The following SNTG1 variants were observed in gnomAD, a reference collection of about 807,000 sequenced individuals.
The protein encoded by SNTG1 is gamma-1-syntrophin.
SNTG1 carries 39 observed loss-of-function variants against 74.7 expected under a neutral mutation model. That is an observed-to-expected ratio of 0.52 (90% confidence interval 0.40 to 0.68). The LOEUF (loss-of-function observed/expected upper bound fraction) is 0.68. Ranked by LOEUF, SNTG1 falls within the 30% of genes least tolerant of loss-of-function variation. SNTG1 has a pLI of 0.00. For synonymous variants in SNTG1, 254 were observed against 217.1 expected, an observed-to-expected ratio of 1.17 and a Z score of -1.49; for missense variants, 685 against 609.5, an observed-to-expected ratio of 1.12 and a Z score of -1.30.
intron 1 of SNTG1, among the ~76,000 whole-genome samples, chr8:50,152,429 T>C (rs955413514): frequency 6.6e-6 from 1 of 152,348 alleles, no homozygotes; most frequent in Non-Finnish European, 1.5e-5. Context: ...TATTGTTATG[T>C]GTGAATTTGA....
At chr8:50,587,047 T>G (rs954598840) in intron 12 of SNTG1, among the ~76,000 whole-genome samples, 2 of 152,064 alleles carry the variant, frequency 1.3e-5, no homozygotes, top group African/African-American at 2.4e-5. Context: ...TGTATGCACA[T>G]TAAACATAAA....
intron 18 of SNTG1, among the ~76,000 whole-genome samples, chr8:50,755,866 C>T (rs578136444): frequency 1.3e-5 from 2 of 151,626 alleles, no homozygotes; most frequent in Non-Finnish European, 2.9e-5. Context: ...CAACGTGGTG[C>T]ATATTTTCAT....
intron 15 of SNTG1, among the ~76,000 whole-genome samples, chr8:50,690,584 C>G (rs1227382428): frequency 6.6e-6 from 1 of 152,116 alleles, no homozygotes; most frequent in Non-Finnish European, 1.5e-5. Context: ...ATCCTGAGTT[C>G]TAGTTTGATT....
rs543902666 is a variant in SNTG1 at position 50,281,086 on chromosome 8, C to G, written c.-28+108451C>G. 7.2e-4 allele frequency among the ~76,000 whole-genome samples: 109 copies of G among 151,416 alleles called. 2 individuals are homozygous for G. The South Asian group carries it at 0.013, about 18-fold the overall frequency. Reference sequence around the variant, plus strand: ...GAATTTTAATTTCCCCATTAGAAGACAGAACTGCAAGACTATTTCAAAATA... The same window carrying G: ...GAATTTTAATTTCCCCATTAGAAGAGAGAACTGCAAGACTATTTCAAAATA... On this transcript the variant is annotated intron_variant, in intron 2 of 18. Transcript: ENST00000642720.
At chr8:50,501,364 A>G (rs922920433) in intron 8 of SNTG1, among the ~76,000 whole-genome samples, 2 of 104,966 alleles carry the variant, frequency 1.9e-5, no homozygotes, top group Non-Finnish European at 3.8e-5. Context: ...TGTCTTTTGT[A>G]TTTTCTTCAG....
chr8:49,979,206 A>T (rs1812452244), intron 1 of SNTG1, among the ~76,000 whole-genome samples: 1 of 152,218 alleles, frequency 6.6e-6, no homozygotes, highest in Admixed American at 6.5e-5. Context: ...CGAGACGCAG[A>T]CGCCTTTGGG....
At chr8:50,209,896 A>G (rs902853035) in intron 2 of SNTG1, among the ~76,000 whole-genome samples, 2 of 151,982 alleles carry the variant, frequency 1.3e-5, no homozygotes, top group Non-Finnish European at 2.9e-5. Context: ...TGAGAGAAGA[A>G]GACTTTAGAT....
chr8:50,263,184 A>G (rs938060216), intron 2 of SNTG1, among the ~76,000 whole-genome samples: 6 of 152,148 alleles, frequency 3.9e-5, no homozygotes, highest in Non-Finnish European at 8.8e-5. Context: ...TGATAAGGGG[A>G]TAGGCTATGC....
intron 2 of SNTG1, among the ~76,000 whole-genome samples, chr8:50,203,665 C>T (rs1316056115): frequency 1.3e-5 from 2 of 151,914 alleles, no homozygotes; most frequent in African/African-American, 4.8e-5. Context: ...TTCTGAGGAG[C>T]TGAAATTGAA....
chr8:50,565,712 G>A, intron 12 of SNTG1, among the ~76,000 whole-genome samples: 1 of 151,898 alleles, frequency 6.6e-6, no homozygotes, highest in East Asian at 1.9e-4. Flanking sequence ...GTCTAGTTGG[G>A]AAGGGAGACA....
intron 1 of SNTG1, among the ~76,000 whole-genome samples, chr8:49,960,351 A>C (rs969956629): frequency 2.6e-5 from 4 of 152,206 alleles, no homozygotes; most frequent in Non-Finnish European, 5.9e-5. Context: ...TTAATAAATC[A>C]AGAGTCAAGA....
At chr8:50,427,651 G>C (rs1175501689) in intron 4 of SNTG1, among the ~76,000 whole-genome samples, 1 of 152,068 alleles carries the variant, frequency 6.6e-6, no homozygotes, top group African/African-American at 2.4e-5. Flanking sequence ...GTTCTCAAAG[G>C]CTCAACCTCA....
chr8:50,059,549 T>C lies in SNTG1; in HGVS notation c.-102-113012T>C, dbSNP rs566566749. Among the ~76,000 whole-genome samples, 15 of 152,240 alleles carry C rather than the reference T, an allele frequency of 9.9e-5. No homozygotes were observed. In the South Asian group the frequency reaches 2.9e-3, roughly 29 times the overall value. On this transcript the variant is annotated intron_variant, in intron 1 of 18. Coordinates refer to ENST00000642720, the MANE Select transcript of SNTG1 (RefSeq NM_018967.5). ...ATACCACTAACCTACTTTCTGTTCC[T>C]ATAGATGTGCCTATTGTAAACAATT...
chr8:50,601,295 C>A (rs745789949), intron 13 of SNTG1, among the ~76,000 whole-genome samples: 1 of 150,956 alleles, frequency 6.6e-6, no homozygotes, highest in African/African-American at 2.4e-5. Flanking sequence ...GCTTTTGCTG[C>A]ATCCCATAGG....
At chr8:50,275,844 T>C (rs1418981156) in intron 2 of SNTG1, among the ~76,000 whole-genome samples, 1 of 152,124 alleles carries the variant, frequency 6.6e-6, no homozygotes, top group Non-Finnish European at 1.5e-5. Context: ...TAGGGTGGCA[T>C]TTTGCCCCAT....
At chr8:50,451,786 A>G (rs1008944876) in intron 8 of SNTG1, among the ~76,000 whole-genome samples, 2 of 152,162 alleles carry the variant, frequency 1.3e-5, no homozygotes, top group African/African-American at 4.8e-5. Flanking sequence ...CATTAAAAAA[A>G]TACAGAAAGG....
chr8:50,717,808 CT>C (rs2095478476), intron 17 of SNTG1, among the ~76,000 whole-genome samples: 2 of 152,132 alleles, frequency 1.3e-5, no homozygotes, highest in Non-Finnish European at 2.9e-5. Context: ...ATGATGAACC[CT>C]TAGAAAGAGA....
chr8:50,473,870 T>A (rs187818969), intron 8 of SNTG1, among the ~76,000 whole-genome samples: 1 of 152,092 alleles, frequency 6.6e-6, no homozygotes, highest in Non-Finnish European at 1.5e-5. Flanking sequence ...GTAATAAAAC[T>A]CATAGAAGCA....
chr8:49,935,075 C>T (rs1329881905), intron 1 of SNTG1, among the ~76,000 whole-genome samples: 1 of 151,922 alleles, frequency 6.6e-6, no homozygotes, highest in Non-Finnish European at 1.5e-5. Context: ...AAGGTGTTGT[C>T]TAGATCATTG....
Sources: gnomAD v4.1 joint callset for allele counts (sites outside exome capture counted in the v4.1 genomes callset) on GRCh38, gnomAD v4.1.1 for gene constraint, MANE v1.5 for transcripts, NCBI Gene and HGNC (gene_info 2026-07-23, HGNC 2026-07-21) for gene names.